Variants in IL7R observed in about 807,000 individuals in gnomAD.
IL7R encodes the protein interleukin-7 receptor subunit alpha.
Under a neutral mutation model 47.0 loss-of-function variants are expected in IL7R, and 38 were observed. The ratio of observed to expected loss-of-function variants is 0.81; its 90% CI spans 0.62 to 1.06. The LOEUF (loss-of-function observed/expected upper bound fraction) is 1.06. Among genes scored for constraint, IL7R ranks in the 50% least tolerant of loss-of-function variants. IL7R has a pLI of 0.00. For missense variants in IL7R, 633 were observed against 534.8 expected, an observed-to-expected ratio of 1.18 and a Z score of -1.81; for synonymous variants, 221 against 199.8, an observed-to-expected ratio of 1.11 and a Z score of -0.89.
chr5:35,874,917 G>A (rs1760167247), intron 6 of IL7R, among the ~76,000 whole-genome samples: 1 of 152,150 alleles, frequency 6.6e-6, no homozygotes, highest in African/African-American at 2.4e-5. Context: ...CTAAGGCTAT[G>A]TTTGTTTCAT....
intron 4 of IL7R, among the ~76,000 whole-genome samples, chr5:35,871,615 ACC>A (rs547993140): frequency 1.4e-3 from 210 of 152,328 alleles, no homozygotes; most frequent in African/African-American, 4.9e-3. Context: ...GATTCATGGG[ACC>A]AGCATGAGGT....
At position 35,867,611 on chromosome 5, in the gene IL7R, A is replaced by C. The variant is rs1042196543; in HGVS notation, c.379+148A>C. The C allele has an allele frequency of 5.6e-6, 4 of 710,250 alleles. No individual in the cohort carries two copies. The African/African-American group carries it at 7.1e-5, about 13-fold the overall frequency. 44.0% of individuals were successfully genotyped at this position (710,250 alleles called of 1,614,324 possible). A position where few individuals can be genotyped will look rare whatever the true frequency, so the allele number is the denominator to read the frequency against. The stretch of plus-strand genomic sequence containing the variant: ...ATTCCCTACTGTAAATTTTTATAAT[A>C]AATGAAAAGCTTGAAATTTATACTT... On this transcript the variant is annotated intron_variant, in intron 3 of 7. Transcript: ENST00000303115.
At chr5:35,870,208 C>A (rs1382921314) in intron 3 of IL7R, among the ~76,000 whole-genome samples, 1 of 152,232 alleles carries the variant, frequency 6.6e-6, no homozygotes, top group Non-Finnish European at 1.5e-5. Flanking sequence ...AAATCAATAC[C>A]TTTCTCTGGG....
At chr5:35,858,106 G>T (rs1483835722) in intron 1 of IL7R, among the ~76,000 whole-genome samples, 1 of 152,100 alleles carries the variant, frequency 6.6e-6, no homozygotes, top group Admixed American at 6.6e-5. Flanking sequence ...CTGATGGGAG[G>T]CAGGAAACAT....
In IL7R at chr5:35,871,108, T is replaced by C. The variant is rs1760063181; in HGVS notation, c.432T>C (p.Asn144=). 1.2e-6 allele frequency: 2 copies of C among 1,612,448 alleles called. No individual in the cohort carries two copies. Among genetic ancestry groups the C allele is most frequent in the East Asian group, 2.2e-5 (1 of 44,888 alleles). Residue 144 remains asparagine (N), a synonymous_variant, in exon 4 of 8, where the codon AAT becomes AAC. Coordinates refer to ENST00000303115, the MANE Select transcript of IL7R (RefSeq NM_002185.5). ...GTGTCGTCTATCGGGAAGGAGCCAA[T>C]GACTTTGTGGTGACATTTAATACAT... The part of the protein sequence containing the change: ...DLSVVYREGA[N]DFVVTFNTSH...
In IL7R at chr5:35,876,669, G is replaced by A. The variant is rs1243058496; in HGVS notation, c.*183G>A. ...TCCTGAGTTCAGTGGCACTCAACATGAGTCAAGAGCATCCTGCTTCTACCA... is the reference window on the plus strand; with the variant it reads ...TCCTGAGTTCAGTGGCACTCAACATAAGTCAAGAGCATCCTGCTTCTACCA... On this transcript the variant is annotated 3_prime_UTR_variant, in exon 8 of 8. Coordinates refer to ENST00000303115, the MANE Select transcript of IL7R (RefSeq NM_002185.5). 4.5e-6 allele frequency: 3 copies of A among 668,390 alleles called. No homozygotes were observed. Among genetic ancestry groups the A allele is most frequent in the Non-Finnish European group, 7.9e-6 (3 of 378,700 alleles). 41.4% of individuals were successfully genotyped at this position (668,390 alleles called of 1,614,324 possible). A position where few individuals can be genotyped will look rare whatever the true frequency, so the allele number is the denominator to read the frequency against.
At chr5:35,858,174 A>G (rs1379970814) in intron 1 of IL7R, among the ~76,000 whole-genome samples, 3 of 152,158 alleles carry the variant, frequency 2.0e-5, no homozygotes, top group Non-Finnish European at 4.4e-5. Flanking sequence ...TGATCATACT[A>G]TTTTTAAAAT....
At position 35,876,356 on chromosome 5, in the gene IL7R, C is replaced by T. The variant is rs201661275; in HGVS notation, c.1250C>T (p.Pro417Leu). 14 of 1,613,286 alleles carry T rather than the reference C, an allele frequency of 8.7e-6. 1 individual carries two copies. The African/African-American group carries it at 1.1e-4, about 12-fold the overall frequency. The change falls in exon 8 of 8, where the codon CCT becomes CTT. Residue 417 changes from proline to leucine, a missense_variant. Pro to Leu is a moderately conservative substitution (Grantham distance 98, BLOSUM62 -3). Transcript: ENST00000303115. ...SLGTTNSTLP[P>L]PFSLQSGILT... ...GGGACTACAAACAGCACGCTGCCCC[C>T]TCCATTTTCTCTCCAATCTGGAATC... is the stretch of plus-strand genomic sequence containing the variant.
Position 35,876,528 on chromosome 5 carries a change from A to G in IL7R, c.*42A>G, listed in dbSNP as rs145513117. 8.0e-3 allele frequency: 12,802 copies of G among 1,597,500 alleles called. 66 individuals carry two copies. The highest frequency in any genetic ancestry group is 9.4e-3 in the Non-Finnish European group (11,103 of 1,178,246). ...ACTGAACTTACCGTGAGCGACAAAG[A>G]TGATTTAAAAGGGAAGTCTAGAGTT... On this transcript the variant is annotated 3_prime_UTR_variant, in exon 8 of 8. Coordinates refer to ENST00000303115, the MANE Select transcript of IL7R (RefSeq NM_002185.5).
At position 35,877,230 on chromosome 5, in the gene IL7R, G is replaced by A; in HGVS notation, c.*744G>A. On this transcript the variant is annotated 3_prime_UTR_variant, in exon 8 of 8. Transcript: ENST00000303115. ...TTACATATAATCCCTCCGGGACAAT[G>A]AGCAAAAACTAGGACTGTCCCCAGA... 4.3e-6 allele frequency: 1 copy of A among 233,076 alleles called. No homozygotes were observed. The highest frequency in any genetic ancestry group is 5.6e-5 in the Admixed American group (1 of 17,782). The allele number at this position is 233,076 out of a possible 1,614,324, so 14.4% of individuals were successfully genotyped here. A position where few individuals can be genotyped will look rare whatever the true frequency, so the allele number is the denominator to read the frequency against.
intron 1 of IL7R, among the ~76,000 whole-genome samples, chr5:35,859,290 C>A (rs974785492): frequency 2.6e-5 from 4 of 152,092 alleles, no homozygotes; most frequent in African/African-American, 9.7e-5. Context: ...TGTCTGAATC[C>A]AAATAATAAT....
In IL7R at chr5:35,873,492, T is replaced by A; in HGVS notation, c.550T>A (p.Ser184Thr). ...DENKWTHVNL[S>T]STKLTLLQRK... ...CTCTACTCTCTAGCATGTGAATTTA[T>A]CCAGCACAAAGCTGACACTCCTGCA... Residue 184 changes from serine (S) to threonine (T), a missense_variant, in exon 5 of 8, where the codon TCC becomes ACC. Transcript: ENST00000303115. 6.2e-7 allele frequency: 1 copy of A among 1,614,032 alleles called. No homozygotes were observed. The highest frequency in any genetic ancestry group is 8.5e-7 in the Non-Finnish European group (1 of 1,179,902).
At chr5:35,860,641 T>A (rs1449394624) in intron 1 of IL7R, among the ~76,000 whole-genome samples, 2 of 152,144 alleles carry the variant, frequency 1.3e-5, no homozygotes, top group Admixed American at 6.6e-5. Flanking sequence ...TCTGTTAGCA[T>A]TGAGCGTTTT....
chr5:35,875,847 G>A, intron 7 of IL7R, 136 bp from the exon 8 acceptor site: 1 of 988,086 alleles, frequency 1.0e-6, no homozygotes, highest in Non-Finnish European at 1.6e-6. Flanking sequence ...CAGAAGCAAA[G>A]AGTCCATTGA....
At chr5:35,860,730 C>A in intron 1 of IL7R, 122 bp from the exon 2 acceptor site, 1 of 1,013,260 alleles carries the variant, frequency 9.9e-7, no homozygotes, top group South Asian at 1.3e-5. Context: ...TCCTTGAATA[C>A]TACATAATCC....
rs75399741 is a variant in IL7R at position 35,868,436 on chromosome 5, G to C, written c.379+973G>C. 6.3e-3 allele frequency among the ~76,000 whole-genome samples: 961 copies of C among 152,310 alleles called. 15 individuals are homozygous for C. The highest frequency in any genetic ancestry group is 0.055 in the East Asian group (283 of 5,188). ...GAGAGGTAAAGCAGAAGTTCCATGT[G>C]TGAACAATTAACTTGTGAAAAGGCA... On this transcript the variant is annotated intron_variant, in intron 3 of 7. Transcript: ENST00000303115.
In IL7R at chr5:35,860,910, A is replaced by G. The variant is rs1561418812; in HGVS notation, c.141A>G (p.Glu47=). The change falls in exon 2 of 8, where the codon GAA becomes GAG. Residue 47 remains glutamate, a synonymous_variant. Coordinates refer to ENST00000303115, the MANE Select transcript of IL7R (RefSeq NM_002185.5). Reference sequence around the variant, plus strand: ...CATTCTCATGCTATAGCCAGTTGGAAGTGAATGGATCGCAGCACTCACTGA... The same window carrying G: ...CATTCTCATGCTATAGCCAGTTGGAGGTGAATGGATCGCAGCACTCACTGA... The part of the protein sequence containing the change: ...DYSFSCYSQL[E]VNGSQHSLTC... 7.4e-6 allele frequency: 12 copies of G among 1,613,602 alleles called. No individual in the cohort carries two copies. The highest frequency in any genetic ancestry group is 1.0e-5 in the Non-Finnish European group (12 of 1,179,554).
intron 1 of IL7R, among the ~76,000 whole-genome samples, chr5:35,858,546 T>C (rs1347877682): frequency 2.0e-5 from 3 of 152,188 alleles, no homozygotes; most frequent in Non-Finnish European, 4.4e-5. Context: ...ATATGAATAA[T>C]ATTAATTATT....
At chr5:35,875,489 C>T (rs921143502) in intron 6 of IL7R, 23 bp from the exon 7 acceptor site, 1 of 1,551,256 alleles carries the variant, frequency 6.4e-7, no homozygotes, top group African/African-American at 1.4e-5. Flanking sequence ...TTCACTTCAT[C>T]TATCAATGTT....
Sources: gnomAD v4.1 joint callset for allele counts (sites outside exome capture counted in the v4.1 genomes callset) on GRCh38, gnomAD v4.1.1 for gene constraint, MANE v1.5 for transcripts, NCBI Gene and HGNC (gene_info 2026-07-23, HGNC 2026-07-21) for gene names.